The following SNX29 variants were observed in gnomAD, a reference collection of about 807,000 sequenced individuals.
The protein encoded by SNX29 is sorting nexin-29.
In SNX29, 78 loss-of-function variants were observed where a neutral mutation model predicts 102.1. The ratio of observed to expected loss-of-function variants is 0.76; its 90% CI spans 0.64 to 0.92. The LOEUF is 0.92. Among genes scored for constraint, SNX29 ranks in the 40% least tolerant of loss-of-function variants. The pLI is 0.00. For synonymous variants in SNX29, 580 were observed against 414.5 expected, an observed-to-expected ratio of 1.40 and a Z score of -4.85; for missense variants, 1,280 against 1,061.7, an observed-to-expected ratio of 1.21 and a Z score of -2.86.
intron 20 of SNX29, among the ~76,000 whole-genome samples, chr16:12,559,812 T>C (rs1434437064): frequency 6.6e-6 from 1 of 152,170 alleles, no homozygotes; most frequent in Non-Finnish European, 1.5e-5. Flanking sequence ...TTCCAGGCCA[T>C]TTCCATCATC....
At chr16:12,158,663 A>G (rs971894128) in intron 13 of SNX29, among the ~76,000 whole-genome samples, 10 of 152,242 alleles carry the variant, frequency 6.6e-5, no homozygotes, top group African/African-American at 2.4e-4. Flanking sequence ...TGTGGGCCAA[A>G]AGGACAGCGT....
At chr16:12,073,899 A>G (rs2051420456) in intron 10 of SNX29, among the ~76,000 whole-genome samples, 1 of 151,916 alleles carries the variant, frequency 6.6e-6, no homozygotes, top group East Asian at 1.9e-4. Flanking sequence ...TTCTTGTTGA[A>G]TTGATCCCTT....
chr16:12,125,605 CTTTTTTTTTTTTTTTTTTTTTTT>C (rs36212472), intron 11 of SNX29, among the ~76,000 whole-genome samples: 1 of 45,406 alleles, frequency 2.2e-5, no homozygotes, highest in South Asian at 8.4e-4. Flanking sequence ...TGAGATCTCT[CTTTTTTTTTTTTTTTTTTTTTTT>C]TTTTTTTTTT....
intron 11 of SNX29, among the ~76,000 whole-genome samples, chr16:12,114,354 C>T (rs924860757): frequency 6.6e-6 from 1 of 152,184 alleles, no homozygotes; most frequent in Non-Finnish European, 1.5e-5. Flanking sequence ...AGCACACGTC[C>T]ATGACCTGTG....
chr16:12,455,429 A>G (rs918545960), intron 18 of SNX29, among the ~76,000 whole-genome samples: 4 of 152,038 alleles, frequency 2.6e-5, no homozygotes, highest in Non-Finnish European at 5.9e-5. Flanking sequence ...CGTGGCTGTA[A>G]CTGACCTCTA....
In SNX29 at chr16:12,530,238, C is replaced by G. The variant is rs537873321; in HGVS notation, c.2318+5397C>G. Among the ~76,000 whole-genome samples the G allele has an allele frequency of 2.0e-5, 3 of 152,276 alleles. No homozygotes were observed. The East Asian group carries it at 5.8e-4, about 29-fold the overall frequency. ...CTCTTCCACTGAGGAGGAAAGTGGT[C>G]TTTTAGGAGCTTTTAGAACAGCGCA... On this transcript the variant is annotated intron_variant, in intron 20 of 20. Transcript: ENST00000566228.
intron 1 of SNX29, among the ~76,000 whole-genome samples, chr16:11,993,244 A>G (rs1455157104): frequency 1.3e-5 from 2 of 152,104 alleles, no homozygotes; most frequent in Non-Finnish European, 2.9e-5. Flanking sequence ...TGGAATGGGA[A>G]CCAGTTTACC....
intron 16 of SNX29, among the ~76,000 whole-genome samples, chr16:12,385,858 A>G (rs2083322645): frequency 6.6e-6 from 1 of 152,338 alleles, no homozygotes; most frequent in African/African-American, 2.4e-5. Flanking sequence ...AAGATGGACA[A>G]CATTCTCTGG....
rs2079245262 is a variant in SNX29, at chr16:12,574,193, G to C, written c.*5564G>C. On this transcript the variant is annotated 3_prime_UTR_variant, in exon 21 of 21. Coordinates refer to ENST00000566228, the MANE Select transcript of SNX29 (RefSeq NM_032167.5). Reference sequence around the variant, plus strand: ...ATCTCTTGTATTAAAATTTTCTTTTGGAATAAGCTGTGGAAATTTTGTTAC... The same window carrying C: ...ATCTCTTGTATTAAAATTTTCTTTTCGAATAAGCTGTGGAAATTTTGTTAC... The C allele has an allele frequency of 5.6e-6, 1 of 178,472 alleles. No individual in the cohort carries two copies. The highest frequency in any genetic ancestry group is 2.4e-5 in the African/African-American group (1 of 42,260). 11.1% of individuals were successfully genotyped at this position (178,472 alleles called of 1,614,324 possible).
At chr16:12,131,437 C>G (rs1435391777) in intron 13 of SNX29, among the ~76,000 whole-genome samples, 1 of 152,148 alleles carries the variant, frequency 6.6e-6, no homozygotes, top group African/African-American at 2.4e-5. Context: ...ATTGTTTAGT[C>G]TACCTTCTAG....
At chr16:12,349,209 C>T (rs779034112) in intron 15 of SNX29, among the ~76,000 whole-genome samples, 10 of 152,204 alleles carry the variant, frequency 6.6e-5, no homozygotes, top group Non-Finnish European at 1.3e-4. Flanking sequence ...TATTTGTTGC[C>T]TGAAAGGCCA....
At chr16:12,154,565 T>G (rs1173646169) in intron 13 of SNX29, among the ~76,000 whole-genome samples, 3 of 152,204 alleles carry the variant, frequency 2.0e-5, no homozygotes, top group Non-Finnish European at 4.4e-5. Flanking sequence ...CTCCAACTCT[T>G]CATCCTCAGG....
chr16:12,404,329 T>A (rs1376489452), intron 18 of SNX29, among the ~76,000 whole-genome samples: 1 of 152,124 alleles, frequency 6.6e-6, no homozygotes, highest in East Asian at 1.9e-4. Context: ...TCAAGGGGAC[T>A]CCAGTTCTCC....
At chr16:12,469,212 T>C (rs1192751507) in intron 18 of SNX29, among the ~76,000 whole-genome samples, 1 of 152,224 alleles carries the variant, frequency 6.6e-6, no homozygotes, top group Non-Finnish European at 1.5e-5. Flanking sequence ...CCCAGTGAAC[T>C]GAAAAGTCGT....
In SNX29 at chr16:12,044,892, T is replaced by C. The variant is rs577470276; in HGVS notation, c.429-1492T>C. On this transcript the variant is annotated intron_variant, in intron 5 of 20. Coordinates refer to ENST00000566228, the MANE Select transcript of SNX29 (RefSeq NM_032167.5). ...TACTGTGTCTGGCCTACTCCTTTTT[T>C]TCGAAGTGAATTTCTGTGAAGCTCC... is the stretch of plus-strand genomic sequence containing the variant. Among the ~76,000 whole-genome samples, 4 of 152,314 alleles carry C rather than the reference T, an allele frequency of 2.6e-5. No individual in the cohort carries two copies. The South Asian group carries it at 8.3e-4, about 32-fold the overall frequency.
chr16:12,013,788 G>T (rs1315755577), intron 3 of SNX29, among the ~76,000 whole-genome samples: 1 of 150,602 alleles, frequency 6.6e-6, no homozygotes, highest in Non-Finnish European at 1.5e-5. Flanking sequence ...GGGATTACAG[G>T]TACATGCCGC....
At position 12,572,620 on chromosome 16, in the gene SNX29, C is replaced by T. The variant is rs1392437702; in HGVS notation, c.*3991C>T. The T allele has an allele frequency of 8.6e-5, 91 of 1,063,730 alleles. No homozygotes were observed. The highest frequency in any genetic ancestry group is 9.7e-5 in the Non-Finnish European group (85 of 878,336). The allele number at this position is 1,063,730 out of a possible 1,614,324, so 65.9% of individuals were successfully genotyped here. On this transcript the variant is annotated 3_prime_UTR_variant, in exon 21 of 21. Coordinates refer to ENST00000566228, the MANE Select transcript of SNX29 (RefSeq NM_032167.5). ...GAGCCCCCTCCCCTCCGGCTACCCCCAGAATCCATCCTTCATTCCTCCACC... is the reference window on the plus strand; with the variant it reads ...GAGCCCCCTCCCCTCCGGCTACCCCTAGAATCCATCCTTCATTCCTCCACC...
At chr16:12,553,020 C>T (rs1337450589) in intron 20 of SNX29, among the ~76,000 whole-genome samples, 1 of 152,222 alleles carries the variant, frequency 6.6e-6, no homozygotes, top group East Asian at 1.9e-4. Context: ...GGGATTAGAT[C>T]AGCTTTAAGA....
At chr16:11,995,162 T>A (rs966900829) in intron 1 of SNX29, among the ~76,000 whole-genome samples, 3 of 152,168 alleles carry the variant, frequency 2.0e-5, no homozygotes, top group African/African-American at 7.2e-5. Context: ...GTCTCCCAGG[T>A]TCAAGCGATT....
Sources: gnomAD v4.1 joint callset for allele counts (sites outside exome capture counted in the v4.1 genomes callset) on GRCh38, gnomAD v4.1.1 for gene constraint, MANE v1.5 for transcripts, NCBI Gene and HGNC (gene_info 2026-07-23, HGNC 2026-07-21) for gene names.